The following MAGI2 variants were observed in gnomAD, a reference collection of about 807,000 sequenced individuals.
MAGI2 encodes the protein membrane-associated guanylate kinase, WW and PDZ domain-containing protein 2.
In MAGI2, 35 loss-of-function variants were observed where a neutral mutation model predicts 133.3. The ratio of observed to expected loss-of-function variants is 0.26; its 90% CI spans 0.20 to 0.35. The LOEUF (loss-of-function observed/expected upper bound fraction) is 0.35. MAGI2 is among the 10% of genes least tolerant of loss of function. The probability of loss-of-function intolerance (pLI) is 1.00; values close to 1 mark genes in which losing one functional copy is unlikely to be tolerated. For synonymous variants in MAGI2, 729 were observed against 710.6 expected (o/e 1.03, Z -0.41); for missense variants, 1,636 against 1,863.4 (o/e 0.88, Z 2.25).
intron 2 of MAGI2, among the ~76,000 whole-genome samples, chr7:78,666,215 T>A (rs1043825316): frequency 6.6e-6 from 1 of 152,194 alleles, no homozygotes; most frequent in Non-Finnish European, 1.5e-5. Flanking sequence ...GAGATCATTA[T>A]AGCCATGGAC....
chr7:79,137,784 T>C (rs1002401265), intron 1 of MAGI2, among the ~76,000 whole-genome samples: 2 of 152,080 alleles, frequency 1.3e-5, no homozygotes, highest in African/African-American at 4.8e-5. Flanking sequence ...TTTTACACCC[T>C]GTGGTAGACA....
intron 2 of MAGI2, among the ~76,000 whole-genome samples, chr7:78,680,411 A>T (rs1815518131): frequency 6.6e-6 from 1 of 152,182 alleles, no homozygotes; most frequent in African/African-American, 2.4e-5. Flanking sequence ...CCTCAAGAAC[A>T]AAGTAAGCTC....
intron 2 of MAGI2, among the ~76,000 whole-genome samples, chr7:78,657,023 T>C (rs1481997389): frequency 2.1e-5 from 3 of 146,216 alleles, no homozygotes; most frequent in African/African-American, 7.5e-5. Flanking sequence ...GCCAAACACA[T>C]TAACAGATAC....
chr7:79,297,702 A>T (rs1837048313), intron 1 of MAGI2, among the ~76,000 whole-genome samples: 1 of 152,202 alleles, frequency 6.6e-6, no homozygotes, highest in South Asian at 2.1e-4. Flanking sequence ...TTGTGATATT[A>T]TTGATAGAGA....
At chr7:78,731,713 G>GGAGGT (rs1284242215) in intron 2 of MAGI2, among the ~76,000 whole-genome samples, 2 of 152,074 alleles carry the variant, frequency 1.3e-5, no homozygotes, top group Non-Finnish European at 2.9e-5. Flanking sequence ...TCCAATTTTT[G>GGAGGT]CTGCTCATGA....
chr7:78,253,185 A>C (rs1301068524), intron 10 of MAGI2: 2 of 152,336 alleles, frequency 1.3e-5, no homozygotes, highest in East Asian at 3.9e-4. Flanking sequence ...CCATACACTA[A>C]TGAATGGACA....
intron 1 of MAGI2, among the ~76,000 whole-genome samples, chr7:79,427,163 C>T (rs548761025): frequency 7.2e-4 from 110 of 151,998 alleles, no homozygotes; most frequent in Non-Finnish European, 1.4e-3. Context: ...AAATATTTAC[C>T]GAGTACTTAC....
chr7:78,826,338 G>A (rs1473737021), intron 2 of MAGI2, among the ~76,000 whole-genome samples: 2 of 137,878 alleles, frequency 1.5e-5, no homozygotes, highest in East Asian at 4.3e-4. Flanking sequence ...AGGCGACAGA[G>A]TGAGACTCCG....
At position 78,201,203 on chromosome 7, in the gene MAGI2, A is replaced by G. The variant is rs771416453; in HGVS notation, c.2048-10T>C. The G allele has an allele frequency of 7.0e-7, 1 of 1,436,956 alleles. No homozygotes were observed. Among genetic ancestry groups the G allele is most frequent in the South Asian group, 1.4e-5 (1 of 69,546 alleles). 89.0% of individuals were successfully genotyped at this position (1,436,956 alleles called of 1,614,324 possible). A position where few individuals can be genotyped will look rare whatever the true frequency, so the allele number is the denominator to read the frequency against. ...CATGGAGAAAAGAAACCTGTAATAA[A>G]GAAAACAATATTTGAACTTTGAAAA... On this transcript the variant is annotated splice_polypyrimidine_tract_variant and intron_variant, in intron 10 of 21. Transcript: ENST00000354212.
intron 2 of MAGI2, among the ~76,000 whole-genome samples, chr7:78,842,738 T>C (rs1277102409): frequency 1.3e-5 from 2 of 151,910 alleles, no homozygotes; most frequent in Non-Finnish European, 2.9e-5. Flanking sequence ...AGTACAAAAA[T>C]GTTATTTTCC....
chr7:79,153,069 T>C (rs1366841569), intron 1 of MAGI2, among the ~76,000 whole-genome samples: 1 of 152,200 alleles, frequency 6.6e-6, no homozygotes. Context: ...AGAACAAGTA[T>C]ACAATGGTAA....
chr7:79,157,091 G>A (rs1288556097), intron 1 of MAGI2, among the ~76,000 whole-genome samples: 1 of 152,068 alleles, frequency 6.6e-6, no homozygotes, highest in Non-Finnish European at 1.5e-5. Context: ...ATTCTAAAGG[G>A]TCTTCTCTGT....
intron 6 of MAGI2, among the ~76,000 whole-genome samples, chr7:78,395,896 G>C (rs1796305393): frequency 6.6e-6 from 1 of 152,180 alleles, no homozygotes; most frequent in African/African-American, 2.4e-5. Context: ...AAGATCCAGA[G>C]AAAAGTTCAT....
chr7:78,532,626 T>C (rs557821597), intron 3 of MAGI2, among the ~76,000 whole-genome samples: 1 of 152,352 alleles, frequency 6.6e-6, no homozygotes, highest in East Asian at 1.9e-4. Context: ...ACATTTTTAT[T>C]GTAATCACCT....
chr7:78,758,660 GTCTCAT>G (rs1390326306), intron 2 of MAGI2, among the ~76,000 whole-genome samples: 1 of 152,214 alleles, frequency 6.6e-6, no homozygotes, highest in East Asian at 1.9e-4. Flanking sequence ...TCACAAAAGG[GTCTCAT>G]TCTTTTTGCT....
intron 2 of MAGI2, among the ~76,000 whole-genome samples, chr7:78,951,034 C>G (rs372102673): frequency 7.1e-6 from 1 of 141,782 alleles, no homozygotes; most frequent in Non-Finnish European, 1.5e-5. Context: ...TGCAGTGGTG[C>G]GATCTCAGCT....
intron 2 of MAGI2, among the ~76,000 whole-genome samples, chr7:78,906,077 A>C (rs1381595777): frequency 1.1e-4 from 17 of 152,210 alleles, no homozygotes; most frequent in Admixed American, 1.0e-3. Context: ...AGAATGACAT[A>C]CATAGGTAGG....
chr7:79,125,201 A>T, intron 1 of MAGI2: 1 of 376,398 alleles, frequency 2.7e-6, no homozygotes, highest in African/African-American at 2.1e-5. Context: ...GACTATGGTG[A>T]TTCTGTGGAT....
At chr7:79,368,196 G>A (rs1465577115) in intron 1 of MAGI2, among the ~76,000 whole-genome samples, 2 of 152,018 alleles carry the variant, frequency 1.3e-5, no homozygotes, top group Non-Finnish European at 2.9e-5. Flanking sequence ...TGGCTAAATT[G>A]TGCATCTAGG....
Sources: gnomAD v4.1 joint callset for allele counts (sites outside exome capture counted in the v4.1 genomes callset) on GRCh38, gnomAD v4.1.1 for gene constraint, MANE v1.5 for transcripts, NCBI Gene and HGNC (gene_info 2026-07-23, HGNC 2026-07-21) for gene names.